Variants in SORL1 observed in about 807,000 individuals in gnomAD.
SORL1 encodes the protein sortilin-related receptor.
A neutral mutation model predicts 273.7 loss-of-function variants in SORL1; 127 were observed. That is an observed-to-expected ratio of 0.46 (90% CI 0.40 to 0.54). The LOEUF is 0.54. SORL1 is among the 20% of genes least tolerant of loss of function. The probability of loss-of-function intolerance (pLI) is 0.00; values close to 1 mark genes in which losing one functional copy is unlikely to be tolerated. For missense variants in SORL1, 2,494 were observed against 2,846.1 expected (o/e 0.88, Z 2.81); for synonymous variants, 1,031 against 1,067.4 (o/e 0.97, Z 0.66).
At chr11:121,589,428 C>G (rs763896144) in intron 29 of SORL1, 38 bp downstream of exon 29, 3 of 1,609,800 alleles carry the variant, frequency 1.9e-6, no homozygotes, top group South Asian at 1.1e-5. Flanking sequence ...TCCTAATCCT[C>G]TAGTTAACAG....
At chr11:121,459,864 T>A (rs1860967255) in intron 1 of SORL1, among the ~76,000 whole-genome samples, 2 of 152,232 alleles carry the variant, frequency 1.3e-5, no homozygotes, top group South Asian at 4.1e-4. Context: ...GCGTGTGGTC[T>A]TCATCTTTGC....
intron 8 of SORL1, among the ~76,000 whole-genome samples, chr11:121,518,164 T>A (rs1861982304): frequency 6.6e-6 from 1 of 151,862 alleles, no homozygotes; most frequent in Non-Finnish European, 1.5e-5. Flanking sequence ...GCCCAGTTGG[T>A]GGGGGTATTG....
chr11:121,514,193 G>A lies in SORL1; in HGVS notation c.1083G>A (p.Val361=), dbSNP rs761415185. ...ATGCCTCCGAGGACCAGGTGTTTGTGTGTGTCAGCCACAGTAACAACCGCA... is the reference window on the plus strand; with the variant it reads ...ATGCCTCCGAGGACCAGGTGTTTGTATGTGTCAGCCACAGTAACAACCGCA... ...IADASEDQVF[V]CVSHSNNRTN... The change falls in exon 8 of 48, where the codon GTG becomes GTA. Residue 361 remains valine (V), a synonymous_variant. Transcript: ENST00000260197. 3 of 1,614,044 alleles carry A rather than the reference G, an allele frequency of 1.9e-6. No individual in the cohort carries two copies. The highest frequency in any genetic ancestry group is 1.7e-6 in the Non-Finnish European group (2 of 1,180,026).
intron 14 of SORL1, among the ~76,000 whole-genome samples, chr11:121,548,989 T>G (rs1862470456): frequency 6.6e-6 from 1 of 152,244 alleles, no homozygotes; most frequent in Non-Finnish European, 1.5e-5. Flanking sequence ...TTATAGAATT[T>G]ACAGGTTTGG....
intron 12 of SORL1, among the ~76,000 whole-genome samples, chr11:121,535,737 T>G (rs561749188): frequency 6.6e-6 from 1 of 152,038 alleles, no homozygotes; most frequent in South Asian, 2.1e-4. Flanking sequence ...TTAGCACAGA[T>G]ATCTAGGAGT....
At chr11:121,605,023 G>A (rs1257185085) in intron 33 of SORL1, 90 bp from the exon 34 acceptor site, 15 of 1,103,674 alleles carry the variant, frequency 1.4e-5, no homozygotes, top group Admixed American at 2.4e-5. Flanking sequence ...TGCCCGCCTC[G>A]GCCTCCCAAA....
intron 24 of SORL1, among the ~76,000 whole-genome samples, chr11:121,575,559 A>T (rs1376657656): frequency 6.6e-6 from 1 of 152,242 alleles, no homozygotes; most frequent in Non-Finnish European, 1.5e-5. Flanking sequence ...AAATAAGGGG[A>T]GCAAGGGCAG....
At chr11:121,488,330 T>G in intron 4 of SORL1, 137 bp downstream of exon 4, 1 of 858,556 alleles carries the variant, frequency 1.2e-6, no homozygotes, top group Non-Finnish European at 1.8e-6. Flanking sequence ...TTGTAGCTAC[T>G]ATTTCACTTA....
In SORL1 at chr11:121,595,078, C is replaced by T. The variant is rs1195529471; in HGVS notation, c.4370-545C>T. ...AACAACTCTCTGTTTTTACTTTCTCCAAATAACAACCCTCCATTCTTCTAT... is the reference window on the plus strand; with the variant it reads ...AACAACTCTCTGTTTTTACTTTCTCTAAATAACAACCCTCCATTCTTCTAT... On this transcript the variant is annotated intron_variant, in intron 31 of 47. Coordinates refer to ENST00000260197, the MANE Select transcript of SORL1 (RefSeq NM_003105.6). The surrounding 1 kb of genome is among the most constrained non-coding windows in gnomAD (Gnocchi z 5.1). 6.6e-6 allele frequency among the ~76,000 whole-genome samples: 1 copy of T among 152,216 alleles called. No homozygotes were observed. Among genetic ancestry groups the T allele is most frequent in the Admixed American group, 6.5e-5 (1 of 15,280 alleles).
rs1862627880 is a variant in SORL1 at position 121,558,630 on chromosome 11, G to T, written c.2703G>T (p.Gly901=). The T allele has an allele frequency of 3.7e-6, 6 of 1,614,110 alleles. No individual in the cohort carries two copies. The highest frequency in any genetic ancestry group is 4.2e-6 in the Non-Finnish European group (5 of 1,180,004). The change falls in exon 20 of 48, where the codon GGG becomes GGT. Residue 901 remains glycine, a synonymous_variant. Coordinates refer to ENST00000260197, the MANE Select transcript of SORL1 (RefSeq NM_003105.6). ...CAGACTGGGGAGACCTGAAGCCTGG[G>T]ATTTATCGGAGCAATATGGATGGTT... ...FWTDWGDLKP[G]IYRSNMDGSA... is the part of the protein sequence containing the mutation.
rs569288426 is a variant in SORL1 at position 121,632,182 on chromosome 11, T to G, written c.*2619T>G. 1 of 152,212 alleles carries G rather than the reference T, an allele frequency of 6.6e-6. No homozygotes were observed. The highest frequency in any genetic ancestry group is 1.5e-5 in the Non-Finnish European group (1 of 68,040). 9.4% of individuals were successfully genotyped at this position (152,212 alleles called of 1,614,324 possible). Reference sequence around the variant, plus strand: ...TCCTGGCATACATTAGAATGTCAGATGCTTGCATCCATGTGGACCACGATG... The same window carrying G: ...TCCTGGCATACATTAGAATGTCAGAGGCTTGCATCCATGTGGACCACGATG... On this transcript the variant is annotated 3_prime_UTR_variant, in exon 48 of 48. Coordinates refer to ENST00000260197, the MANE Select transcript of SORL1 (RefSeq NM_003105.6).
At chr11:121,461,841 A>G (rs978012549) in intron 1 of SORL1, among the ~76,000 whole-genome samples, 1 of 152,036 alleles carries the variant, frequency 6.6e-6, no homozygotes, top group Non-Finnish European at 1.5e-5. Context: ...TTCTATGTGG[A>G]GCCGTTTTGT....
intron 44 of SORL1, 136 bp downstream of exon 44, chr11:121,621,374 G>A (rs1863721747): frequency 2.6e-6 from 2 of 774,636 alleles, no homozygotes; most frequent in South Asian, 1.8e-5. Flanking sequence ...TATTCCTACA[G>A]GGGCAGAGTA....
chr11:121,566,599 G>A, intron 21 of SORL1: 1 of 203,878 alleles, frequency 4.9e-6, no homozygotes. Context: ...CTTGCCATGT[G>A]CCACTTCAAC....
chr11:121,584,430 C>T (rs190040717), intron 26 of SORL1, among the ~76,000 whole-genome samples: 12 of 152,288 alleles, frequency 7.9e-5, no homozygotes, highest in African/African-American at 2.6e-4. Context: ...AATAGTGGTG[C>T]TTGTTTACTG....
At chr11:121,611,040 C>T (rs774112099) in intron 38 of SORL1, 36 bp from the exon 39 acceptor site, 29 of 1,449,926 alleles carry the variant, frequency 2.0e-5, no homozygotes, top group African/African-American at 1.8e-4. Context: ...CTTTTCATCA[C>T]GTGGCTTCTG....
intron 25 of SORL1, among the ~76,000 whole-genome samples, chr11:121,578,779 G>C (rs1027857987): frequency 6.6e-5 from 10 of 152,174 alleles, no homozygotes; most frequent in African/African-American, 2.4e-4. Flanking sequence ...AATCCTGTTC[G>C]CTTGTAAAGT....
intron 21 of SORL1, among the ~76,000 whole-genome samples, chr11:121,559,931 C>T (rs184293734): frequency 6.5e-4 from 99 of 152,292 alleles, no homozygotes; most frequent in African/African-American, 1.7e-3. Context: ...TGATTGGTGG[C>T]GCGGCTTCTG....
At chr11:121,607,106 C>A in intron 36 of SORL1, 80 bp from the exon 37 acceptor site, 1 of 1,059,884 alleles carries the variant, frequency 9.4e-7, no homozygotes, top group Non-Finnish European at 1.5e-6. Flanking sequence ...TCTTTTCTCT[C>A]CTCCAGCCTC....
Sources: gnomAD v4.1 joint callset for allele counts (sites outside exome capture counted in the v4.1 genomes callset) on GRCh38, gnomAD v4.1.1 for gene constraint, Gnocchi (gnomAD v3.1) non-coding constraint, MANE v1.5 for transcripts, NCBI Gene and HGNC (gene_info 2026-07-23, HGNC 2026-07-21) for gene names.